RHPN2: variants seen among roughly 807,000 people sequenced by gnomAD.
The protein encoded by RHPN2 is rhophilin-2.
RHPN2 carries 40 observed loss-of-function variants against 79.0 expected under a neutral mutation model. The ratio of observed to expected loss-of-function variants is 0.51; its 90% confidence interval spans 0.39 to 0.66. RHPN2 has a LOEUF of 0.66. Among genes scored for constraint, RHPN2 ranks in the 30% least tolerant of loss-of-function variants. RHPN2 has a pLI of 0.00. For missense variants in RHPN2, 686 were observed against 883.5 expected, an observed-to-expected ratio of 0.78 and a Z score of 2.83; for synonymous variants, 285 against 363.5, an observed-to-expected ratio of 0.78 and a Z score of 2.46.
chr19:33,049,433 A>G (rs955275711), intron 1 of RHPN2, among the ~76,000 whole-genome samples: 3 of 152,212 alleles, frequency 2.0e-5, no homozygotes, highest in African/African-American at 4.8e-5. Context: ...TTGGTTCTCA[A>G]CAGAACACAA....
At chr19:33,062,767 CATAATAATA>C (rs76516449) in intron 1 of RHPN2, among the ~76,000 whole-genome samples, 31,287 of 143,490 alleles carry the variant, frequency 0.22, 3,807 homozygotes, top group East Asian at 0.46. Context: ...GACTCTGTTT[CATAATAATA>C]ATAATAATAA....
In RHPN2 at chr19:32,979,947, G is replaced by A. The variant is rs750658347; in HGVS notation, c.*49C>T. 4.2e-5 allele frequency: 68 copies of A among 1,606,568 alleles called. No individual in the cohort carries two copies. The highest frequency in any genetic ancestry group is 6.7e-5 in the East Asian group (3 of 44,860). ...CATTATGGCACAAACGTTTAAGGCCGAGTCAGCACCGGAAATGTTCAGGGC... is the reference window on the plus strand; with the variant it reads ...CATTATGGCACAAACGTTTAAGGCCAAGTCAGCACCGGAAATGTTCAGGGC... On this transcript the variant is annotated 3_prime_UTR_variant, in exon 15 of 15. Transcript: ENST00000254260.
intron 9 of RHPN2, among the ~76,000 whole-genome samples, chr19:33,001,183 G>A (rs550521828): frequency 6.8e-4 from 104 of 152,158 alleles, no homozygotes; most frequent in Admixed American, 1.2e-3. Context: ...CAGGAAGTCT[G>A]GCTCCAGAGG....
intron 2 of RHPN2, 104 bp downstream of exon 2, chr19:33,044,145 G>A: frequency 5.0e-6 from 4 of 804,884 alleles, no homozygotes; most frequent in Non-Finnish European, 8.5e-6. Flanking sequence ...CCAGATGCCA[G>A]AAATGAGGAG....
chr19:32,992,185 T>A, intron 12 of RHPN2: 1 of 583,734 alleles, frequency 1.7e-6, no homozygotes, highest in Non-Finnish European at 3.1e-6. Flanking sequence ...AATTATCTTT[T>A]AGGCATTGTA....
chr19:32,989,170 C>T (rs7245939), intron 14 of RHPN2, among the ~76,000 whole-genome samples: 92,891 of 151,924 alleles, frequency 0.61, 29,397 homozygotes, highest in African/African-American at 0.76. Flanking sequence ...AGTGCAATGG[C>T]GCGATCTCCA....
chr19:33,008,225 GTT>G, intron 6 of RHPN2, 45 bp from the exon 7 acceptor site: 2 of 1,436,904 alleles, frequency 1.4e-6, no homozygotes, highest in Non-Finnish European at 2.0e-6. Flanking sequence ...TACTTGGCTA[GTT>G]AATGCTACAA....
At chr19:32,990,055 A>C (rs1971642133) in intron 14 of RHPN2, among the ~76,000 whole-genome samples, 1 of 152,066 alleles carries the variant, frequency 6.6e-6, no homozygotes, top group Admixed American at 6.6e-5. Context: ...CAGTGAGCCA[A>C]GATTGCACCA....
At chr19:33,013,055 T>C (rs1971848196) in intron 4 of RHPN2, among the ~76,000 whole-genome samples, 1 of 151,822 alleles carries the variant, frequency 6.6e-6, no homozygotes, top group Non-Finnish European at 1.5e-5. Flanking sequence ...GTTGTATTTT[T>C]GGTAGAGACA....
At chr19:33,032,016 C>CTTTTTTT (rs34807523) in intron 2 of RHPN2, among the ~76,000 whole-genome samples, 8 of 91,388 alleles carry the variant, frequency 8.8e-5, no homozygotes, top group African/African-American at 3.3e-4. Context: ...CCGGGCCGGT[C>CTTTTTTT]TTTTTTTTTT....
chr19:33,061,366 C>T (rs371136672), intron 1 of RHPN2, among the ~76,000 whole-genome samples: 3 of 151,684 alleles, frequency 2.0e-5, no homozygotes, highest in Non-Finnish European at 2.9e-5. Context: ...CCACCACGCC[C>T]GGCTAATTTT....
At chr19:32,984,213 T>A (rs1193594828) in intron 14 of RHPN2, among the ~76,000 whole-genome samples, 7 of 152,180 alleles carry the variant, frequency 4.6e-5, no homozygotes, top group Admixed American at 4.6e-4. Flanking sequence ...GGGCAGCAGG[T>A]CATCAGTTCA....
intron 11 of RHPN2, among the ~76,000 whole-genome samples, chr19:32,994,509 G>C (rs547055306): frequency 6.6e-6 from 1 of 152,092 alleles, no homozygotes; most frequent in Non-Finnish European, 1.5e-5. Context: ...CTCAACCCCC[G>C]ACCTAGGGTG....
At position 32,980,267 on chromosome 19, in the gene RHPN2, A is replaced by G. The variant is rs764314607; in HGVS notation, c.1801-11T>C. The G allele has an allele frequency of 6.2e-7, 1 of 1,613,928 alleles. No homozygotes were observed. Among genetic ancestry groups the G allele is most frequent in the Admixed American group, 1.7e-5 (1 of 59,998 alleles). On this transcript the variant is annotated splice_polypyrimidine_tract_variant and intron_variant, in intron 14 of 14. Coordinates refer to ENST00000254260, the MANE Select transcript of RHPN2 (RefSeq NM_033103.5). ...GGCACTCTTATTATGCTGCACATAG[A>G]AAAGTAAGAAAAAGGGCGTCAGGCA...
intron 1 of RHPN2, among the ~76,000 whole-genome samples, chr19:33,048,894 G>A (rs1287030087): frequency 6.6e-6 from 1 of 152,048 alleles, no homozygotes; most frequent in African/African-American, 2.4e-5. Context: ...AGGGAAGCTT[G>A]AATAACTAAT....
chr19:33,004,137 C>G (rs920562484), intron 7 of RHPN2, among the ~76,000 whole-genome samples: 2 of 152,200 alleles, frequency 1.3e-5, no homozygotes, highest in African/African-American at 4.8e-5. Context: ...CTCCTGGGCT[C>G]AAGCGGTCCT....
chr19:33,052,291 C>T (rs1228002357), intron 1 of RHPN2, among the ~76,000 whole-genome samples: 1 of 152,106 alleles, frequency 6.6e-6, no homozygotes, highest in African/African-American at 2.4e-5. Context: ...CCTTCTTCTG[C>T]ACAGCCAAAG....
intron 1 of RHPN2, among the ~76,000 whole-genome samples, chr19:33,054,994 A>G (rs1387881486): frequency 1.3e-5 from 2 of 152,140 alleles, no homozygotes; most frequent in African/African-American, 4.8e-5. Flanking sequence ...CTGATGGTGG[A>G]TACCATGCAG....
At chr19:33,007,444 G>T (rs1369634668) in intron 7 of RHPN2, among the ~76,000 whole-genome samples, 1 of 151,934 alleles carries the variant, frequency 6.6e-6, no homozygotes, top group Non-Finnish European at 1.5e-5. Context: ...CCGAGACCAT[G>T]CCACTGCGCT....
Sources: allele counts gnomAD v4.1 joint callset (sites outside exome capture counted in the v4.1 genomes callset), GRCh38; gene constraint gnomAD v4.1.1; transcripts MANE v1.5; gene names NCBI Gene and HGNC (gene_info 2026-07-23, HGNC 2026-07-21).